The following NBAS variants were observed in gnomAD, a reference collection of about 807,000 sequenced individuals.
NBAS encodes NBAS subunit of NRZ tethering complex, also known as NAG/BC035112 fusion.
NBAS carries 219 observed loss-of-function variants against 302.5 expected under a neutral mutation model. That is an observed-to-expected ratio of 0.72 (90% CI 0.65 to 0.81). The LOEUF is 0.81. Ranked by LOEUF, NBAS falls within the 30% of genes least tolerant of loss-of-function variation. NBAS has a pLI of 0.00. For missense variants in NBAS, 2,932 were observed against 2,841.6 expected (o/e 1.03, Z -0.72); for synonymous variants, 1,118 against 1,021.6 (o/e 1.09, Z -1.80).
At chr2:14,836,538 C>T in the NBAS span, among the ~76,000 whole-genome samples, 3 of 151,898 alleles carry the variant, frequency 2.0e-5, no homozygotes, top group Non-Finnish European at 4.4e-5. Context: ...ATCAAGTGCT[C>T]TTCCGTGTGC....
the NBAS span, among the ~76,000 whole-genome samples, chr2:15,154,339 G>T: frequency 6.6e-6 from 1 of 152,162 alleles, no homozygotes; most frequent in Admixed American, 6.5e-5. Flanking sequence ...TTCATCGGGG[G>T]CCTCTGTGGG....
intron 21 of NBAS, among the ~76,000 whole-genome samples, chr2:15,434,250 CA>C: frequency 6.6e-6 from 1 of 152,006 alleles, no homozygotes; most frequent in Non-Finnish European, 1.5e-5. Context: ...GAGAGATAAA[CA>C]AAACAGATGA....
chr2:14,899,739 C>CT, the NBAS span, among the ~76,000 whole-genome samples: 11,068 of 145,488 alleles, frequency 0.076, 564 homozygotes, highest in Non-Finnish European at 0.11. Flanking sequence ...AAGGTCACAA[C>CT]TTTTTTTTTT....
chr2:15,143,682 A>G, the NBAS span, among the ~76,000 whole-genome samples: 1 of 152,072 alleles, frequency 6.6e-6, no homozygotes, highest in East Asian at 1.9e-4. Context: ...ACTTGATTGG[A>G]TTGAAAGATA....
At chr2:15,168,885 T>A (rs6710635) in intron 51 of NBAS, among the ~76,000 whole-genome samples, 41,340 of 152,062 alleles carry the variant, frequency 0.27, 6,908 homozygotes, top group East Asian at 0.63. Context: ...CACTTTGGCC[T>A]CCCAAAGGGC....
At chr2:14,928,984 C>T in the NBAS span, among the ~76,000 whole-genome samples, 3 of 152,158 alleles carry the variant, frequency 2.0e-5, no homozygotes, top group Non-Finnish European at 2.9e-5. Flanking sequence ...CCTTATTACC[C>T]TTTCATCCTC....
chr2:14,875,422 C>G, the NBAS span, among the ~76,000 whole-genome samples: 1 of 152,132 alleles, frequency 6.6e-6, no homozygotes, highest in Non-Finnish European at 1.5e-5. Context: ...CAAGACCAAC[C>G]TGGCCAACAT....
At chr2:14,855,755 A>G in the NBAS span, among the ~76,000 whole-genome samples, 1 of 152,138 alleles carries the variant, frequency 6.6e-6, no homozygotes, top group Non-Finnish European at 1.5e-5. Context: ...GCACGATACA[A>G]TAGAACACTA....
At chr2:15,301,633 C>T (rs1471127405) in intron 40 of NBAS, among the ~76,000 whole-genome samples, 1 of 152,188 alleles carries the variant, frequency 6.6e-6, no homozygotes, top group African/African-American at 2.4e-5. Flanking sequence ...CTCAGCAAGG[C>T]AGCTTATCCC....
intron 48 of NBAS, among the ~76,000 whole-genome samples, chr2:15,216,244 C>G (rs559482211): frequency 2.6e-5 from 4 of 152,136 alleles, no homozygotes; most frequent in Non-Finnish European, 5.9e-5. Flanking sequence ...AAATCTGTAT[C>G]ATTACCTACC....
chr2:15,352,121 TTTAAA>T, intron 34 of NBAS, 40 bp from the exon 35 acceptor site: 1 of 1,438,212 alleles, frequency 7.0e-7, no homozygotes, highest in South Asian at 1.2e-5. Context: ...GAGTTACGTT[TTTAAA>T]TTTGCTTCTC....
the NBAS span, among the ~76,000 whole-genome samples, chr2:14,788,383 G>A: frequency 6.6e-6 from 1 of 152,194 alleles, no homozygotes; most frequent in Non-Finnish European, 1.5e-5. Context: ...TTCCTTTGGA[G>A]GAGGAGAGGC....
chr2:15,294,550 GA>G (rs1670460207), intron 40 of NBAS, among the ~76,000 whole-genome samples: 1 of 152,108 alleles, frequency 6.6e-6, no homozygotes, highest in Admixed American at 6.5e-5. Flanking sequence ...GCACCATCCT[GA>G]ACCTCCAGCA....
Position 15,467,356 on chromosome 2 carries a change from G to C in NBAS, c.2070C>G (p.Thr690=). 6.2e-7 allele frequency: 1 copy of C among 1,613,406 alleles called. No individual in the cohort carries two copies. Among genetic ancestry groups the C allele is most frequent in the Non-Finnish European group, 8.5e-7 (1 of 1,179,524 alleles). ...ELCRCRRKLL[T]YLDRLATYEE... Reference sequence around the variant, plus strand: ...CATATGTTGCAAGTCGATCTAAGTAGGTTAATAACTTCCGTCTACAACGGC... The same window carrying C: ...CATATGTTGCAAGTCGATCTAAGTACGTTAATAACTTCCGTCTACAACGGC... The change falls in exon 19 of 52, where the codon ACC becomes ACG. Residue 690 remains threonine, a synonymous_variant. Coordinates refer to ENST00000281513, the MANE Select transcript of NBAS (RefSeq NM_015909.4).
At chr2:15,536,647 G>T in intron 7 of NBAS, 96 bp from the exon 8 acceptor site, 1 of 1,113,856 alleles carries the variant, frequency 9.0e-7, no homozygotes, top group Non-Finnish European at 1.3e-6. Flanking sequence ...ACTGGCTTCA[G>T]GTACACTTTA....
At chr2:15,484,687 G>A (rs1016801493) in intron 12 of NBAS, among the ~76,000 whole-genome samples, 2 of 152,050 alleles carry the variant, frequency 1.3e-5, no homozygotes, top group Non-Finnish European at 2.9e-5. Flanking sequence ...TGCCTTTCCT[G>A]AGCTTATCTT....
At chr2:15,326,330 C>T (rs1368577403) in intron 38 of NBAS, among the ~76,000 whole-genome samples, 1 of 152,104 alleles carries the variant, frequency 6.6e-6, no homozygotes, top group East Asian at 1.9e-4. Context: ...AACAATAAAA[C>T]AAGGTATGCT....
At chr2:15,005,942 C>A in the NBAS span, among the ~76,000 whole-genome samples, 1 of 152,144 alleles carries the variant, frequency 6.6e-6, no homozygotes, top group South Asian at 2.1e-4. Flanking sequence ...AGGAGTAATT[C>A]TAGCAACATG....
the NBAS span, among the ~76,000 whole-genome samples, chr2:15,088,764 G>C: frequency 6.6e-6 from 1 of 152,232 alleles, no homozygotes; most frequent in South Asian, 2.1e-4. Flanking sequence ...TAAGGGACAT[G>C]AGCAGGACCA....
Sources: gnomAD v4.1 joint callset for allele counts (sites outside exome capture counted in the v4.1 genomes callset) on GRCh38, gnomAD v4.1.1 for gene constraint, MANE v1.5 for transcripts, NCBI Gene and HGNC (gene_info 2026-07-23, HGNC 2026-07-21) for gene names.